The following PCDH15 variants were observed in gnomAD, a reference collection of about 807,000 sequenced individuals.
The protein encoded by PCDH15 is protocadherin-15.
In PCDH15, 129 loss-of-function variants were observed where a neutral mutation model predicts 178.5. That is an observed-to-expected ratio of 0.72 (90% confidence interval 0.63 to 0.84). The LOEUF (loss-of-function observed/expected upper bound fraction) is 0.84, where lower values mean the gene tolerates loss of function less well. Among genes scored for constraint, PCDH15 ranks in the 40% least tolerant of loss-of-function variants. The pLI, the probability that PCDH15 is intolerant of heterozygous loss-of-function variation, is 0.00. For missense variants in PCDH15, 2,230 were observed against 2,099.9 expected (o/e 1.06, Z -1.21); for synonymous variants, 800 against 732.0 (o/e 1.09, Z -1.50).
At chr10:55,497,970 C>A (rs902424107) in intron 2 of PCDH15, among the ~76,000 whole-genome samples, 2 of 151,810 alleles carry the variant, frequency 1.3e-5, no homozygotes, top group Non-Finnish European at 2.9e-5. Context: ...CTTTTACCTA[C>A]GGATATGTAT....
At chr10:54,007,045 T>C (rs1398917057) in intron 20 of PCDH15, among the ~76,000 whole-genome samples, 2 of 152,222 alleles carry the variant, frequency 1.3e-5, no homozygotes, top group East Asian at 1.9e-4. Context: ...ACAAGTTCTT[T>C]ATACTCCTTA....
intron 15 of PCDH15, among the ~76,000 whole-genome samples, chr10:54,108,967 A>C (rs1280126432): frequency 2.6e-5 from 4 of 152,124 alleles, no homozygotes; most frequent in Non-Finnish European, 5.9e-5. Flanking sequence ...ACAAACAAAC[A>C]AACAAATAAA....
intron 28 of PCDH15, among the ~76,000 whole-genome samples, chr10:53,856,938 G>A (rs926463128): frequency 1.3e-5 from 2 of 151,988 alleles, no homozygotes; most frequent in Admixed American, 1.3e-4. Flanking sequence ...AATAGACACT[G>A]AGGGCTCCAA....
At chr10:55,075,694 T>C (rs534558818) in intron 2 of PCDH15, among the ~76,000 whole-genome samples, 2 of 151,390 alleles carry the variant, frequency 1.3e-5, no homozygotes, top group East Asian at 3.9e-4. Context: ...AGCTTTTTGT[T>C]TTACTCCTCC....
In PCDH15 at chr10:55,450,955, C is replaced by CTATATATATATATATATA. The variant is rs56986885; in HGVS notation, c.-156+176652_-156+176669dup. Among the ~76,000 whole-genome samples the CTATATATATATATATATA allele has an allele frequency of 2.8e-3, 342 of 122,230 alleles. 3 individuals are homozygous for CTATATATATATATATATA. Among genetic ancestry groups the CTATATATATATATATATA allele is most frequent in the African/African-American group, 7.4e-3 (218 of 29,522 alleles). 80.2% of individuals were successfully genotyped at this position (122,230 alleles called of 152,430 possible). ...AGATACATGGAAGAAGGGGTAAGAA[C>CTATATATATATATATATA]TATATATATATATATATATATATAT... On this transcript the variant is annotated intron_variant, in intron 2 of 5. Transcript: ENST00000613346.
intron 3 of PCDH15, among the ~76,000 whole-genome samples, chr10:54,413,321 T>C (rs1166888816): frequency 1.3e-5 from 2 of 152,168 alleles, no homozygotes; most frequent in Non-Finnish European, 2.9e-5. Context: ...TTTCTCAAAG[T>C]GAAGTCCAGG....
At chr10:54,773,243 C>T (rs759535326) in intron 1 of PCDH15, among the ~76,000 whole-genome samples, 5 of 151,878 alleles carry the variant, frequency 3.3e-5, no homozygotes, top group Admixed American at 1.3e-4. Context: ...ACATGTACCC[C>T]GAACTTAAAA....
At chr10:55,408,535 C>G (rs1469068174) in intron 2 of PCDH15, among the ~76,000 whole-genome samples, 1 of 152,094 alleles carries the variant, frequency 6.6e-6, no homozygotes, top group Non-Finnish European at 1.5e-5. Context: ...AAGGAAAACA[C>G]AGGCTCAATT....
intron 2 of PCDH15, among the ~76,000 whole-genome samples, chr10:54,626,562 G>A (rs2093556628): frequency 6.6e-6 from 1 of 152,208 alleles, no homozygotes; most frequent in African/African-American, 2.4e-5. Context: ...CAAGTGTACA[G>A]AAGTCAAGAA....
At chr10:55,037,971 A>G (rs898514739) in intron 2 of PCDH15, among the ~76,000 whole-genome samples, 6 of 152,194 alleles carry the variant, frequency 3.9e-5, no homozygotes, top group African/African-American at 9.6e-5. Context: ...TTTAATAAGC[A>G]AAGCCCACAA....
At chr10:54,911,503 A>G (rs190746882) in intron 2 of PCDH15, among the ~76,000 whole-genome samples, 3 of 152,340 alleles carry the variant, frequency 2.0e-5, no homozygotes, top group East Asian at 1.9e-4. Context: ...AATGAATGAT[A>G]AAAAGAGCAC....
chr10:54,962,648 C>T (rs948473180), intron 2 of PCDH15, among the ~76,000 whole-genome samples: 3 of 152,218 alleles, frequency 2.0e-5, no homozygotes, highest in African/African-American at 4.8e-5. Context: ...TCACACAGAA[C>T]TGGCACCTGT....
chr10:54,753,975 AT>A (rs60529059), intron 1 of PCDH15, among the ~76,000 whole-genome samples: 72,792 of 139,594 alleles, frequency 0.52, 19,015 homozygotes, highest in Middle Eastern at 0.7. Flanking sequence ...CGGCCGGCTG[AT>A]TTTTTTTTTT....
chr10:53,849,401 T>A (rs768852972), intron 28 of PCDH15, among the ~76,000 whole-genome samples: 5 of 152,082 alleles, frequency 3.3e-5, no homozygotes, highest in Non-Finnish European at 5.9e-5. Flanking sequence ...CAGAAATGTG[T>A]TAATGAATGA....
intron 2 of PCDH15, among the ~76,000 whole-genome samples, chr10:55,122,521 C>T (rs1420757810): frequency 1.3e-5 from 2 of 151,496 alleles, no homozygotes; most frequent in East Asian, 1.9e-4. Flanking sequence ...GTTTGAAGGG[C>T]ACAATATAAG....
chr10:54,334,203 A>T (rs1010166616), intron 6 of PCDH15, among the ~76,000 whole-genome samples: 2 of 152,192 alleles, frequency 1.3e-5, no homozygotes, highest in African/African-American at 4.8e-5. Context: ...AGTGACAACA[A>T]CTGTCAAATA....
intron 18 of PCDH15, among the ~76,000 whole-genome samples, chr10:54,042,050 G>C (rs918535201): frequency 5.3e-5 from 8 of 152,046 alleles, no homozygotes; most frequent in Non-Finnish European, 7.4e-5. Flanking sequence ...TAATGACTTA[G>C]ATTCAGGGAT....
chr10:55,025,589 G>A (rs1193415224), intron 2 of PCDH15, among the ~76,000 whole-genome samples: 1 of 151,930 alleles, frequency 6.6e-6, no homozygotes, highest in Admixed American at 6.6e-5. Flanking sequence ...TTTACTTCAA[G>A]ACAAAATATG....
At chr10:54,641,564 G>A (rs2134972349) in intron 2 of PCDH15, among the ~76,000 whole-genome samples, 1 of 149,566 alleles carries the variant, frequency 6.7e-6, no homozygotes, top group East Asian at 2.0e-4. Flanking sequence ...ATCATACACA[G>A]GTACACATAT....
Sources: allele counts gnomAD v4.1 joint callset (sites outside exome capture counted in the v4.1 genomes callset), GRCh38; gene constraint gnomAD v4.1.1; transcripts MANE v1.5; gene names NCBI Gene and HGNC (gene_info 2026-07-23, HGNC 2026-07-21).